The following RRBP1 variants were observed in gnomAD, a reference collection of about 807,000 sequenced individuals.
RRBP1 encodes the protein ribosome-binding protein 1.
In RRBP1, 94 loss-of-function variants were observed where a neutral mutation model predicts 165.2. That is an observed-to-expected ratio of 0.57 (90% CI 0.48 to 0.68). The LOEUF is 0.68. Ranked by LOEUF, RRBP1 falls within the 30% of genes least tolerant of loss-of-function variation. RRBP1 has a pLI of 0.00. For missense variants in RRBP1, 1,676 were observed against 1,763.0 expected (o/e 0.95, Z 0.88); for synonymous variants, 680 against 714.5 (o/e 0.95, Z 0.77).
intron 9 of RRBP1, among the ~76,000 whole-genome samples, chr20:17,628,700 C>T (rs2036083204): frequency 6.6e-6 from 1 of 152,262 alleles, no homozygotes; most frequent in East Asian, 1.9e-4. Context: ...CAGTTCATTC[C>T]CACCTCCGGG....
intron 4 of RRBP1, among the ~76,000 whole-genome samples, chr20:17,642,745 T>A (rs1207502983): frequency 6.6e-6 from 1 of 151,950 alleles, no homozygotes; most frequent in Non-Finnish European, 1.5e-5. Context: ...CTAGATCCCA[T>A]ACCCTGCCAA....
intron 3 of RRBP1, among the ~76,000 whole-genome samples, chr20:17,649,985 G>T (rs2036527310): frequency 6.6e-6 from 1 of 152,066 alleles, no homozygotes; most frequent in Non-Finnish European, 1.5e-5. Flanking sequence ...CCTCAGAAGA[G>T]CTGGCACTAC....
Position 17,629,903 on chromosome 20 carries a change from T to C in RRBP1, c.2669A>G (p.Glu890Gly), listed in dbSNP as rs1429139019. The C allele has an allele frequency of 6.2e-7, 1 of 1,600,162 alleles. No individual in the cohort carries two copies. The highest frequency in any genetic ancestry group is 1.3e-5 in the African/African-American group (1 of 74,888). ...LQKRLDEVSR[E>G]LCHTQSSHAS... Reference sequence around the variant, plus strand: ...GTGGCTGCTCTGCGTGTGGCACAGCTCCCGGCTGACCTCGTCCAGGCGCTT... The same window carrying C: ...GTGGCTGCTCTGCGTGTGGCACAGCCCCCGGCTGACCTCGTCCAGGCGCTT... Residue 890 changes from glutamate (E) to glycine (G), a missense_variant, in exon 9 of 25, where the codon GAG (glutamate) becomes GGG (glycine). Around this residue, in one of 5 missense-constraint regions of RRBP1, gnomAD observed 1,184 missense variants for 1,167.1 expected, o/e 1.01. Transcript: ENST00000377813.
intron 2 of RRBP1, among the ~76,000 whole-genome samples, chr20:17,671,294 C>A (rs1443559570): frequency 2.0e-5 from 3 of 152,192 alleles, no homozygotes; most frequent in Admixed American, 6.5e-5. Flanking sequence ...TCCTGCTGGT[C>A]CTCATTCAGT....
intron 2 of RRBP1, among the ~76,000 whole-genome samples, chr20:17,667,526 C>T (rs896273947): frequency 6.6e-6 from 1 of 152,172 alleles, no homozygotes; most frequent in African/African-American, 2.4e-5. Context: ...CGGCTTCATC[C>T]TACAAGCTGT....
rs2036737530 is a variant in RRBP1 at position 17,660,223 on chromosome 20, G to C, written c.285C>G (p.Leu95=). 6.2e-7 allele frequency: 1 copy of C among 1,613,314 alleles called. No homozygotes were observed. The highest frequency in any genetic ancestry group is 1.3e-5 in the African/African-American group (1 of 74,938). ...DHDPAPNVTV[L]LREPVRAPAV... ...CAGGAGCCCGCACTGGTTCTCGAAG[G>C]AGGACAGTCACATTGGGGGCTGGAT... Residue 95 remains leucine, a synonymous_variant, in exon 3 of 25, where the codon CTC becomes CTG. Coordinates refer to ENST00000377813, the MANE Select transcript of RRBP1 (RefSeq NM_001365613.2).
At chr20:17,671,547 T>C (rs1212141115) in intron 2 of RRBP1, among the ~76,000 whole-genome samples, 2 of 152,174 alleles carry the variant, frequency 1.3e-5, no homozygotes, top group African/African-American at 4.8e-5. Flanking sequence ...ACTTGTGATA[T>C]CCACTTCTCA....
At position 17,643,140 on chromosome 20, in the gene RRBP1, A is replaced by G. The variant is rs773578586; in HGVS notation, c.1913-13T>C. 9 of 1,612,896 alleles carry G rather than the reference A, an allele frequency of 5.6e-6. No homozygotes were observed. The highest frequency in any genetic ancestry group is 7.6e-6 in the Non-Finnish European group (9 of 1,179,780). ...GCATCTGGGGGCCCTGTGCAGCAAG[A>G]GGGAAAGAGCTGAGACTTAGGCCCA... is the stretch of plus-strand genomic sequence containing the variant. On this transcript the variant is annotated splice_polypyrimidine_tract_variant and intron_variant, in intron 3 of 24. Transcript: ENST00000377813. The surrounding 1 kb of genome is among the most constrained non-coding windows in gnomAD (Gnocchi z 4.3).
intron 6 of RRBP1, among the ~76,000 whole-genome samples, chr20:17,635,898 A>G (rs959463580): frequency 6.6e-6 from 1 of 152,202 alleles, no homozygotes; most frequent in Non-Finnish European, 1.5e-5. Context: ...CTCACTGCTC[A>G]TGGCCTGCCC....
At chr20:17,681,163 CG>C (rs1319769125) in intron 1 of RRBP1, among the ~76,000 whole-genome samples, 1 of 150,378 alleles carries the variant, frequency 6.6e-6, no homozygotes, top group Non-Finnish European at 1.5e-5. Flanking sequence ...CGCTTCCGCC[CG>C]GGGCTGGCAC....
At chr20:17,618,136 T>TTGA (rs1213954239) in intron 20 of RRBP1, among the ~76,000 whole-genome samples, 2 of 152,200 alleles carry the variant, frequency 1.3e-5, no homozygotes, top group Non-Finnish European at 2.9e-5. Flanking sequence ...TTTGACTGAA[T>TTGA]TGATCTGAGC....
chr20:17,654,455 G>A (rs1340703897), intron 3 of RRBP1, among the ~76,000 whole-genome samples: 2 of 152,252 alleles, frequency 1.3e-5, no homozygotes, highest in African/African-American at 2.4e-5. Context: ...TGATTCTGTG[G>A]AAAAGAAGTA....
At chr20:17,667,235 T>C (rs1017265692) in intron 2 of RRBP1, among the ~76,000 whole-genome samples, 46 of 152,196 alleles carry the variant, frequency 3.0e-4, no homozygotes, top group Non-Finnish European at 5.3e-4. Context: ...TCAGGATTAG[T>C]GTTCTGAGAT....
intron 5 of RRBP1, chr20:17,641,454 C>A: frequency 3.4e-6 from 1 of 295,322 alleles, no homozygotes; most frequent in Non-Finnish European, 6.4e-6. Context: ...CCCTAGAAAG[C>A]TGGCCTGTGA....
rs145399680 is a variant in RRBP1, at chr20:17,665,496, C to A, written c.-21-4968G>T. Among the ~76,000 whole-genome samples the A allele has an allele frequency of 1.1e-4, 16 of 152,228 alleles. No homozygotes were observed. The East Asian group carries it at 3.1e-3, about 29-fold the overall frequency. On this transcript the variant is annotated intron_variant, in intron 2 of 24. Coordinates refer to ENST00000377813, the MANE Select transcript of RRBP1 (RefSeq NM_001365613.2). ...AAGCCATTCTTGTGCCTCAGGCTCC[C>A]GAGTAGCTGGGATTACAGGCGTGTG...
At chr20:17,637,677 T>C (rs972331954) in intron 5 of RRBP1, among the ~76,000 whole-genome samples, 1 of 152,152 alleles carries the variant, frequency 6.6e-6, no homozygotes, top group Non-Finnish European at 1.5e-5. Flanking sequence ...TTGCCTGAGA[T>C]GGGAAAGAAC....
chr20:17,623,931 CAAAAA>C (rs1284202465), intron 13 of RRBP1, among the ~76,000 whole-genome samples: 1 of 135,458 alleles, frequency 7.4e-6, no homozygotes, highest in Non-Finnish European at 1.6e-5. Flanking sequence ...GACACCGTCT[CAAAAA>C]AAAAAAAAGT....
At chr20:17,626,603 ACCCTCCATGCCT>A (rs2036025641) in intron 11 of RRBP1, among the ~76,000 whole-genome samples, 1 of 151,942 alleles carries the variant, frequency 6.6e-6, no homozygotes, top group Non-Finnish European at 1.5e-5. Flanking sequence ...AATGCAGGAC[ACCCTCCATGCCT>A]CCCCCACCTA....
chr20:17,673,213 T>TCTCTTATGGAGCC (rs1350925222), intron 2 of RRBP1, among the ~76,000 whole-genome samples: 1 of 152,190 alleles, frequency 6.6e-6, no homozygotes, highest in Non-Finnish European at 1.5e-5. Context: ...GCCTGAAGAA[T>TCTCTTATGGAGCC]CTGTTATGGA....
Sources: allele counts gnomAD v4.1 joint callset (sites outside exome capture counted in the v4.1 genomes callset), GRCh38; gene constraint gnomAD v4.1.1; regional missense constraint gnomAD v4.1.1; non-coding constraint Gnocchi (gnomAD v3.1); transcripts MANE v1.5; gene names NCBI Gene and HGNC (gene_info 2026-07-23, HGNC 2026-07-21).